Variants in RASGRP3 observed in about 807,000 individuals in gnomAD.
RASGRP3 encodes RAS guanyl releasing protein 3.
A neutral mutation model predicts 82.7 loss-of-function variants in RASGRP3; 54 were observed. The observed-to-expected ratio is 0.65, with a 90% CI of 0.52 to 0.82. The LOEUF (loss-of-function observed/expected upper bound fraction) is 0.82. Among genes scored for constraint, RASGRP3 ranks in the 40% least tolerant of loss-of-function variants. The probability of loss-of-function intolerance (pLI) is 0.00; values close to 1 mark genes in which losing one functional copy is unlikely to be tolerated. For missense variants in RASGRP3, 861 were observed against 828.9 expected, an observed-to-expected ratio of 1.04 and a Z score of -0.48; for synonymous variants, 309 against 300.5, an observed-to-expected ratio of 1.03 and a Z score of -0.29.
chr2:33,527,354 C>A lies in RASGRP3; in HGVS notation c.1025C>A (p.Ser342Tyr). The change falls in exon 10 of 18, where the codon TCC (serine) becomes TAC (tyrosine). Residue 342 changes from serine to tyrosine, a missense_variant. Ser to Tyr is a moderately radical substitution (Grantham distance 144). Coordinates refer to ENST00000403687, the MANE Select transcript of RASGRP3 (RefSeq NM_001139488.2). ...QLSVTLSELVSLQNASHHLEP... is the reference protein window; with the variant it reads ...QLSVTLSELVYLQNASHHLEP... ...TCCGTTACCCTGAGTGAACTAGTCTCCCTGCAGAATGCCTCTCACCACTTA... is the reference window on the plus strand; with the variant it reads ...TCCGTTACCCTGAGTGAACTAGTCTACCTGCAGAATGCCTCTCACCACTTA... 1 of 1,613,922 alleles carries A rather than the reference C, an allele frequency of 6.2e-7. No homozygotes were observed. Among genetic ancestry groups the A allele is most frequent in the Non-Finnish European group, 8.5e-7 (1 of 1,179,840 alleles).
intron 9 of RASGRP3, among the ~76,000 whole-genome samples, chr2:33,525,575 A>G (rs544712786): frequency 6.6e-6 from 1 of 152,058 alleles, no homozygotes; most frequent in East Asian, 1.9e-4. Flanking sequence ...AAGCAAATGT[A>G]TCGTCCATCA....
chr2:33,457,386 CA>C (rs779563714), intron 2 of RASGRP3, among the ~76,000 whole-genome samples: 23 of 151,894 alleles, frequency 1.5e-4, no homozygotes, highest in Non-Finnish European at 3.1e-4. Context: ...CATTTGAAAA[CA>C]TGCTTTATTG....
chr2:33,437,662 G>T (rs1347511482), intron 1 of RASGRP3, among the ~76,000 whole-genome samples: 1 of 152,208 alleles, frequency 6.6e-6, no homozygotes, highest in African/African-American at 2.4e-5. Flanking sequence ...CAGGAGGCCA[G>T]GACTCGGCTC....
chr2:33,520,828 A>G, intron 6 of RASGRP3, 144 bp downstream of exon 6: 1 of 1,109,130 alleles, frequency 9.0e-7, no homozygotes, highest in Non-Finnish European at 1.3e-6. Flanking sequence ...AGTGAGCGCA[A>G]GCCGTATGGG....
intron 4 of RASGRP3, among the ~76,000 whole-genome samples, chr2:33,517,423 C>A (rs1671573340): frequency 6.6e-6 from 1 of 152,158 alleles, no homozygotes; most frequent in African/African-American, 2.4e-5. Context: ...TGAGTGAGAA[C>A]CCCTACAGGG....
At chr2:33,467,064 C>T (rs1216565911) in intron 2 of RASGRP3, among the ~76,000 whole-genome samples, 2 of 131,882 alleles carry the variant, frequency 1.5e-5, no homozygotes, top group Non-Finnish European at 3.0e-5. Context: ...TAGTAACATA[C>T]TAACTATATA....
At position 33,539,219 on chromosome 2, in the gene RASGRP3, T is replaced by C. The variant is rs7592762; in HGVS notation, c.1278+9T>C. 0.42 allele frequency: 653,922 copies of C among 1,574,596 alleles called. 137,945 individuals are homozygous for C. Among genetic ancestry groups the C allele is most frequent in the Middle Eastern group, 0.49 (2,962 of 6,002 alleles). On this transcript the variant is annotated intron_variant, in intron 12 of 17. Coordinates refer to ENST00000403687, the MANE Select transcript of RASGRP3 (RefSeq NM_001139488.2). ...TAAGGAAATTAGTGGAGGTAAGTGG[T>C]TGAGGGAGAATAAAGAGAGGGCACT...
At position 33,521,804 on chromosome 2, in the gene RASGRP3, A is replaced by C. The variant is rs912116224; in HGVS notation, c.369-151A>C. ...GTTTATGTTCTGTTGGCAACTGGTCAGTGGTTTTCTCTTCCAATATGAAAG... is the reference window on the plus strand; with the variant it reads ...GTTTATGTTCTGTTGGCAACTGGTCCGTGGTTTTCTCTTCCAATATGAAAG... On this transcript the variant is annotated intron_variant, in intron 6 of 17. Coordinates refer to ENST00000403687, the MANE Select transcript of RASGRP3 (RefSeq NM_001139488.2). The C allele has an allele frequency of 3.2e-6, 3 of 929,004 alleles. No homozygotes were observed. The African/African-American group carries it at 5.0e-5, about 15-fold the overall frequency. 57.5% of individuals were successfully genotyped at this position (929,004 alleles called of 1,614,324 possible).
chr2:33,458,017 G>A (rs2150893600), intron 2 of RASGRP3: 1 of 152,272 alleles, frequency 6.6e-6, no homozygotes, highest in Non-Finnish European at 1.5e-5. Flanking sequence ...TTTATAGCAG[G>A]TGACTTTTGC....
chr2:33,492,566 G>A (rs1668949643), intron 1 of RASGRP3, among the ~76,000 whole-genome samples: 1 of 152,188 alleles, frequency 6.6e-6, no homozygotes, highest in Non-Finnish European at 1.5e-5. Flanking sequence ...CAAGAGTGGG[G>A]CTGTAATTTC....
chr2:33,502,501 CTTT>C (rs3083004), intron 1 of RASGRP3, among the ~76,000 whole-genome samples: 2 of 135,752 alleles, frequency 1.5e-5, no homozygotes. Flanking sequence ...TTTTTTCTTT[CTTT>C]TTTTTTTTTT....
At chr2:33,506,165 T>C (rs1039274142) in intron 1 of RASGRP3, among the ~76,000 whole-genome samples, 3 of 152,238 alleles carry the variant, frequency 2.0e-5, no homozygotes, top group Non-Finnish European at 4.4e-5. Flanking sequence ...AAGCTTGCTG[T>C]AATAGTGAAC....
At chr2:33,453,160 G>A (rs1193533105) in intron 2 of RASGRP3, among the ~76,000 whole-genome samples, 7 of 152,182 alleles carry the variant, frequency 4.6e-5, no homozygotes, top group Admixed American at 3.9e-4. Context: ...TGCCCCAAGG[G>A]CCAGAGACAT....
At chr2:33,522,243 A>T in intron 7 of RASGRP3, 141 bp downstream of exon 7, 1 of 896,016 alleles carries the variant, frequency 1.1e-6, no homozygotes, top group Non-Finnish European at 1.7e-6. Flanking sequence ...CACAGGAACA[A>T]TCCCTTTTAA....
chr2:33,445,974 T>A (rs1665478114), intron 1 of RASGRP3, among the ~76,000 whole-genome samples: 1 of 152,192 alleles, frequency 6.6e-6, no homozygotes, highest in African/African-American at 2.4e-5. Context: ...TTCTTTTTTT[T>A]AAAGGGGACT....
intron 4 of RASGRP3, among the ~76,000 whole-genome samples, chr2:33,518,004 A>G (rs1325128785): frequency 6.6e-6 from 1 of 152,262 alleles, no homozygotes; most frequent in African/African-American, 2.4e-5. Flanking sequence ...ATACGCTTAC[A>G]AGTAAATAAC....
intron 8 of RASGRP3, 53 bp downstream of exon 8, chr2:33,524,105 G>A: frequency 6.4e-7 from 1 of 1,564,960 alleles, no homozygotes; most frequent in Non-Finnish European, 8.8e-7. Flanking sequence ...CGTTCACTCT[G>A]TTGAGAAAAG....
intron 2 of RASGRP3, among the ~76,000 whole-genome samples, chr2:33,470,734 A>G (rs13023895): frequency 0.36 from 54,799 of 151,874 alleles, 11,888 homozygotes; most frequent in Non-Finnish European, 0.47. Context: ...GGAAAATTTC[A>G]TATATTTCTG....
intron 1 of RASGRP3, among the ~76,000 whole-genome samples, chr2:33,442,932 C>A (rs986675076): frequency 2.0e-5 from 3 of 151,024 alleles, no homozygotes; most frequent in Non-Finnish European, 4.4e-5. Context: ...TCTTTGCTGG[C>A]AGCAATGACT....
Sources: allele counts gnomAD v4.1 joint callset (sites outside exome capture counted in the v4.1 genomes callset), GRCh38; gene constraint gnomAD v4.1.1; transcripts MANE v1.5; gene names NCBI Gene and HGNC (gene_info 2026-07-23, HGNC 2026-07-21).